FGFR2: variants seen among roughly 807,000 people sequenced by gnomAD.
The protein encoded by FGFR2 is fibroblast growth factor receptor 2, also known as BEK fibroblast growth factor receptor.
FGFR2 carries 19 observed loss-of-function variants against 95.9 expected under a neutral mutation model. The ratio of observed to expected loss-of-function variants is 0.20; its 90% CI spans 0.14 to 0.29. FGFR2 has a LOEUF of 0.29. FGFR2 is among the 10% of genes least tolerant of loss of function. The pLI is 1.00. For missense variants in FGFR2, 707 were observed against 1,056.9 expected (o/e 0.67, Z 4.59); for synonymous variants, 392 against 393.3 (o/e 1.00, Z 0.04).
chr10:121,503,615 TA>T (rs1012587618), intron 10 of FGFR2, among the ~76,000 whole-genome samples, 174 bp downstream of exon 10: 5 of 152,024 alleles, frequency 3.3e-5, no homozygotes, highest in Admixed American at 2.6e-4. Flanking sequence ...TTTTTTTTTT[TA>T]AATCCATTTT....
chr10:121,588,634 T>G (rs1041554594), intron 2 of FGFR2, among the ~76,000 whole-genome samples: 8 of 152,166 alleles, frequency 5.3e-5, no homozygotes, highest in Non-Finnish European at 2.9e-5. Context: ...ATGCAAAACT[T>G]AAGGCTAGGA....
At chr10:121,545,652 A>T (rs997447120) in intron 5 of FGFR2, among the ~76,000 whole-genome samples, 8 of 152,244 alleles carry the variant, frequency 5.3e-5, no homozygotes, top group African/African-American at 1.9e-4. Flanking sequence ...CATGCTGATA[A>T]GTACATTAGT....
chr10:121,506,482 C>T (rs1033883945), intron 9 of FGFR2, among the ~76,000 whole-genome samples: 1 of 152,042 alleles, frequency 6.6e-6, no homozygotes, highest in African/African-American at 2.4e-5. Context: ...TCACTGGATA[C>T]CAGTTTCCAG....
chr10:121,569,522 A>G (rs1858261883), intron 2 of FGFR2, among the ~76,000 whole-genome samples: 1 of 152,102 alleles, frequency 6.6e-6, no homozygotes, highest in Non-Finnish European at 1.5e-5. Context: ...GCCCAGCCAG[A>G]ACACTTGGAT....
intron 1 of FGFR2, among the ~76,000 whole-genome samples, chr10:121,595,725 C>A (rs1245574798): frequency 2.0e-5 from 3 of 152,368 alleles, no homozygotes; most frequent in East Asian, 3.9e-4. Context: ...CCTAAGTCCT[C>A]GCAGAGGTTT....
intron 2 of FGFR2, among the ~76,000 whole-genome samples, chr10:121,591,689 T>G (rs2135462052): frequency 6.6e-6 from 1 of 152,312 alleles, no homozygotes; most frequent in South Asian, 2.1e-4. Flanking sequence ...CTCATAATTC[T>G]GGATGCAAAT....
intron 6 of FGFR2, among the ~76,000 whole-genome samples, chr10:121,523,549 G>A (rs1459798348): frequency 6.6e-6 from 1 of 152,144 alleles, no homozygotes; most frequent in Admixed American, 6.5e-5. Context: ...CAGCACGAGG[G>A]GAAGCTGTCC....
intron 9 of FGFR2, among the ~76,000 whole-genome samples, chr10:121,510,195 C>G (rs928264028): frequency 6.6e-6 from 1 of 152,154 alleles, no homozygotes; most frequent in Non-Finnish European, 1.5e-5. Flanking sequence ...ACTTTTCTCC[C>G]ATAGCGAGTC....
chr10:121,495,797 C>T (rs1846719680), intron 13 of FGFR2, among the ~76,000 whole-genome samples: 2 of 152,218 alleles, frequency 1.3e-5, no homozygotes, highest in Non-Finnish European at 1.5e-5. Flanking sequence ...GAGCAAGGCC[C>T]ACCTCTGCAC....
At chr10:121,588,909 G>A (rs1862219223) in intron 2 of FGFR2, among the ~76,000 whole-genome samples, 1 of 151,998 alleles carries the variant, frequency 6.6e-6, no homozygotes, top group Admixed American at 6.6e-5. Flanking sequence ...TCAAGACTCT[G>A]TCTCAAAAAA....
chr10:121,483,039 T>G (rs1434579469), intron 17 of FGFR2, among the ~76,000 whole-genome samples: 1 of 152,214 alleles, frequency 6.6e-6, no homozygotes, highest in Non-Finnish European at 1.5e-5. Flanking sequence ...TCAGGTGATC[T>G]GCCCTCCTCG....
chr10:121,513,244 G>T (rs949140131), intron 9 of FGFR2, among the ~76,000 whole-genome samples: 2 of 152,162 alleles, frequency 1.3e-5, no homozygotes, highest in African/African-American at 4.8e-5. Flanking sequence ...ACTTAATTTA[G>T]AACATTCTTA....
At chr10:121,581,761 TAA>T (rs55911512) in intron 2 of FGFR2, among the ~76,000 whole-genome samples, 370 of 62,586 alleles carry the variant, frequency 5.9e-3, no homozygotes, top group Middle Eastern at 8.6e-3. Flanking sequence ...ACCCTGCATT[TAA>T]AAAAAAAAAA....
chr10:121,573,224 C>A (rs115758691), intron 2 of FGFR2, among the ~76,000 whole-genome samples: 2 of 152,200 alleles, frequency 1.3e-5, no homozygotes, highest in Admixed American at 6.5e-5. Context: ...AGTCTTGCCC[C>A]GTCCAATCAC....
At position 121,542,885 on chromosome 10, in the gene FGFR2, C is replaced by T. The variant is rs41295465; in HGVS notation, c.625-4170G>A. Among the ~76,000 whole-genome samples, 458 of 152,252 alleles carry T rather than the reference C, an allele frequency of 3.0e-3. 1 individual carries two copies. Among genetic ancestry groups the T allele is most frequent in the African/African-American group, 9.0e-3 (373 of 41,540 alleles). On this transcript the variant is annotated intron_variant, in intron 5 of 17. Coordinates refer to ENST00000358487, the MANE Select transcript of FGFR2 (RefSeq NM_000141.5). ...ATTTAGTTTGTTGACACCAAAACAC[C>T]GCAGTGAAAGGTGAAGGGTGAAAGG...
chr10:121,594,065 G>A (rs911094319), intron 1 of FGFR2, 98 bp from the exon 2 acceptor site: 2 of 589,536 alleles, frequency 3.4e-6, no homozygotes, highest in East Asian at 2.9e-5. Context: ...TCAAATGTGC[G>A]CAAACAGAGT....
intron 6 of FGFR2, among the ~76,000 whole-genome samples, chr10:121,534,703 G>A (rs527755105): frequency 1.6e-4 from 25 of 152,178 alleles, no homozygotes; most frequent in Admixed American, 1.6e-3. Context: ...CCCCAAAATG[G>A]CATTCTGTTT....
intron 2 of FGFR2, among the ~76,000 whole-genome samples, chr10:121,575,378 A>G (rs904074257): frequency 2.0e-5 from 3 of 152,124 alleles, no homozygotes; most frequent in Admixed American, 6.6e-5. Flanking sequence ...TCGGCTGTTC[A>G]TGACAGTGTT....
chr10:121,516,949 C>T (rs34066125), intron 8 of FGFR2, among the ~76,000 whole-genome samples: 1 of 152,160 alleles, frequency 6.6e-6, no homozygotes, highest in African/African-American at 2.4e-5. Flanking sequence ...AAAACACATA[C>T]AGGATTTTAG....
Sources: allele counts gnomAD v4.1 joint callset (sites outside exome capture counted in the v4.1 genomes callset), GRCh38; gene constraint gnomAD v4.1.1; transcripts MANE v1.5; gene names NCBI Gene and HGNC (gene_info 2026-07-23, HGNC 2026-07-21).